ZNF500: variants seen among roughly 807,000 people sequenced by gnomAD.
ZNF500 encodes the protein zinc finger protein 500, also known as zinc finger protein with KRAB and SCAN domains 18.
ZNF500 carries 31 observed loss-of-function variants against 30.1 expected under a neutral mutation model. That is an observed-to-expected ratio of 1.03 (90% confidence interval 0.77 to 1.39). The LOEUF is 1.39. Ranked by LOEUF, ZNF500 falls within the 40% of genes most tolerant of loss-of-function variation. The pLI is 0.00. For synonymous variants in ZNF500, 392 were observed against 282.0 expected, an observed-to-expected ratio of 1.39 and a Z score of -3.91; for missense variants, 817 against 657.8, an observed-to-expected ratio of 1.24 and a Z score of -2.65.
At chr16:4,766,211 A>G in intron 1 of ZNF500, 135 bp from the exon 2 acceptor site, 3 of 447,730 alleles carry the variant, frequency 6.7e-6, no homozygotes, top group Non-Finnish European at 1.2e-5. Context: ...GATGAATGTC[A>G]TCTTTGTTAT....
intron 5 of ZNF500, among the ~76,000 whole-genome samples, chr16:4,755,811 T>C (rs2082129333): frequency 1.3e-5 from 2 of 152,104 alleles, no homozygotes; most frequent in Admixed American, 1.3e-4. Context: ...CACCCAAATG[T>C]CCATCAACGA....
In ZNF500 at chr16:4,763,839, G is replaced by A. The variant is rs117778632; in HGVS notation, c.415-1083C>T. The A allele has an allele frequency of 5.8e-3, 5,757 of 985,420 alleles. 23 individuals are homozygous for A. The highest frequency in any genetic ancestry group is 0.013 in the Middle Eastern group (24 of 1,914). 61.0% of individuals were successfully genotyped at this position (985,420 alleles called of 1,614,324 possible). A position where few individuals can be genotyped will look rare whatever the true frequency, so the allele number is the denominator to read the frequency against. ...TTTCTGACTGCGGTCAGCTCACGCC[G>A]TGGTCAAGCATTAGGGGATGTGCCT... On this transcript the variant is annotated intron_variant, in intron 2 of 5. Transcript: ENST00000219478.
intron 5 of ZNF500, among the ~76,000 whole-genome samples, chr16:4,757,253 A>G (rs2082144758): frequency 6.6e-6 from 1 of 152,202 alleles, no homozygotes; most frequent in African/African-American, 2.4e-5. Flanking sequence ...AGGGGACCCG[A>G]ACGGGTTGCC....
Position 4,751,998 on chromosome 16 carries a change from G to T in ZNF500, c.*378C>A. The T allele has an allele frequency of 9.4e-7, 1 of 1,064,320 alleles. No individual in the cohort carries two copies. Among genetic ancestry groups the T allele is most frequent in the Non-Finnish European group, 1.2e-6 (1 of 819,350 alleles). The allele number at this position is 1,064,320 out of a possible 1,614,324, so 65.9% of individuals were successfully genotyped here. A position where few individuals can be genotyped will look rare whatever the true frequency, so the allele number is the denominator to read the frequency against. ...CACAGGAGAGGGGTTGGGACGTGGGGATGAGGCTGTATGCCAGCAGCCACT... is the reference window on the plus strand; with the variant it reads ...CACAGGAGAGGGGTTGGGACGTGGGTATGAGGCTGTATGCCAGCAGCCACT... On this transcript the variant is annotated 3_prime_UTR_variant, in exon 6 of 6. Coordinates refer to ENST00000219478, the MANE Select transcript of ZNF500 (RefSeq NM_021646.4).
chr16:4,753,066 A>T lies in ZNF500; in HGVS notation c.761-8T>A. 1.3e-6 allele frequency: 2 copies of T among 1,508,270 alleles called. No homozygotes were observed. Among genetic ancestry groups the T allele is most frequent in the Non-Finnish European group, 8.8e-7 (1 of 1,135,338 alleles). The allele number at this position is 1,508,270 out of a possible 1,614,324, so 93.4% of individuals were successfully genotyped here. The stretch of plus-strand genomic sequence containing the variant: ...CCAACTGGATCCCAGGTCCTGAGAC[A>T]GAGAAAGCACGATCTCTAGGAACTC... On this transcript the variant is annotated splice_polypyrimidine_tract_variant and splice_region_variant and intron_variant, in intron 5 of 5. Coordinates refer to ENST00000219478, the MANE Select transcript of ZNF500 (RefSeq NM_021646.4).
Position 4,766,058 on chromosome 16 carries a change from G to A in ZNF500, c.-80C>T, listed in dbSNP as rs2082262566. 3.4e-6 allele frequency: 5 copies of A among 1,474,928 alleles called. No homozygotes were observed. The highest frequency in any genetic ancestry group is 1.4e-5 in the South Asian group (1 of 71,928). The allele number at this position is 1,474,928 out of a possible 1,614,324, so 91.4% of individuals were successfully genotyped here. ...CTATACCTCTGGCCAGACACAGGAA[G>A]AGAGTTTTTTTCAGGGCCCTGTGGA... On this transcript the variant is annotated 5_prime_UTR_variant, in exon 2 of 6. Transcript: ENST00000219478.
At chr16:4,744,931 G>A (rs778106589), downstream of ZNF500, 71 of 1,613,746 alleles carry the variant, frequency 4.4e-5, no homozygotes, top group Admixed American at 2.7e-4. Context: ...TGTGCACCAC[G>A]CAGTCCAAGG....
In ZNF500 at chr16:4,749,422, C is replaced by T. The variant is rs188146985; in HGVS notation, c.*2954G>A. The stretch of plus-strand genomic sequence containing the variant: ...CTCTGAATTACTGTGTCTGTCAAGG[C>T]AAGGGGAGTGAGGTAGGAAGTCAGA... On this transcript the variant is annotated 3_prime_UTR_variant, in exon 6 of 6. Transcript: ENST00000219478. 4.5e-3 allele frequency: 689 copies of T among 154,552 alleles called. 5 individuals carry two copies. Among genetic ancestry groups the T allele is most frequent in the African/African-American group, 0.016 (654 of 41,644 alleles). 9.6% of individuals were successfully genotyped at this position (154,552 alleles called of 1,614,324 possible). A position where few individuals can be genotyped will look rare whatever the true frequency, so the allele number is the denominator to read the frequency against.
downstream of ZNF500, chr16:4,747,767 T>C: frequency 9.2e-7 from 1 of 1,085,594 alleles, no homozygotes; most frequent in Non-Finnish European, 1.3e-6. Flanking sequence ...CTTTGGACTG[T>C]TGCCCACCCT....
rs2082219594 is a variant in ZNF500, at chr16:4,762,685, C to T, written c.486G>A (p.Glu162=). 6.2e-7 allele frequency: 1 copy of T among 1,614,010 alleles called. No individual in the cohort carries two copies. The highest frequency in any genetic ancestry group is 8.5e-7 in the Non-Finnish European group (1 of 1,180,004). ...IGGQFLKHQA[E]AQPEDLSLEE... ...CCAGGGACAGATCCTCTGGCTGAGC[C>T]TCTGCCTGGTGTTTTAAGAACTGTC... is the stretch of plus-strand genomic sequence containing the variant. Residue 162 remains glutamate, a synonymous_variant, in exon 3 of 6, where the codon GAG becomes GAA. Transcript: ENST00000219478.
intron 5 of ZNF500, among the ~76,000 whole-genome samples, chr16:4,753,610 T>A (rs2082107519): frequency 6.6e-6 from 1 of 152,224 alleles, no homozygotes; most frequent in Admixed American, 6.5e-5. Context: ...ATCACCGGGC[T>A]GCTAAGTTAC....
chr16:4,756,079 G>A (rs956012869), intron 5 of ZNF500, among the ~76,000 whole-genome samples: 3 of 152,148 alleles, frequency 2.0e-5, no homozygotes, highest in African/African-American at 2.4e-5. Context: ...TGTTGGGTAC[G>A]AGGTTTCCAT....
rs761080594 is a variant in ZNF500 at position 4,760,511 on chromosome 16, G to A, written c.741C>T (p.Asp247=). The A allele has an allele frequency of 1.8e-5, 29 of 1,613,494 alleles. No homozygotes were observed. Among genetic ancestry groups the A allele is most frequent in the Admixed American group, 5.0e-5 (3 of 59,930 alleles). Residue 247 remains aspartate (D), a synonymous_variant, in exon 5 of 6, where the codon GAC becomes GAT. Coordinates refer to ENST00000219478, the MANE Select transcript of ZNF500 (RefSeq NM_021646.4). ...AGTTACCTTCATTCTCCAGCGGCGC[G>A]TCCCGCTGAGCTGGGTCCATGCATC... ...EPRCMDPAQR[D]APLENEGPGI... is the part of the protein sequence containing the mutation.
chr16:4,744,878 G>T, downstream of ZNF500: 1 of 1,612,976 alleles, frequency 6.2e-7, no homozygotes, highest in Non-Finnish European at 8.5e-7. Flanking sequence ...AGACCGCATG[G>T]TGCCGAGCGC....
downstream of ZNF500, chr16:4,746,542 G>C (rs749047341): frequency 1.0e-5 from 16 of 1,601,334 alleles, no homozygotes; most frequent in Non-Finnish European, 1.2e-5. Flanking sequence ...CCCCATACCA[G>C]CCTCTACTTT....
intron 5 of ZNF500, among the ~76,000 whole-genome samples, chr16:4,754,260 C>A (rs2082113814): frequency 6.6e-6 from 1 of 152,182 alleles, no homozygotes; most frequent in Non-Finnish European, 1.5e-5. Flanking sequence ...CAGCCCCAGA[C>A]CTCCTGGGCG....
downstream of ZNF500, chr16:4,747,527 C>A: frequency 6.2e-7 from 1 of 1,613,118 alleles, no homozygotes; most frequent in South Asian, 1.1e-5. Context: ...GCAGAGCGCC[C>A]AGGCTCGACT....
rs2082077036 is a variant in ZNF500 at position 4,751,482 on chromosome 16, C to G, written c.*894G>C. On this transcript the variant is annotated 3_prime_UTR_variant, in exon 6 of 6. Coordinates refer to ENST00000219478, the MANE Select transcript of ZNF500 (RefSeq NM_021646.4). ...CCCAGGTGTCTTCCGCCCTGCAGAG[C>G]AGCTATGGATCTGCAAAGGGGACTG... is the stretch of plus-strand genomic sequence containing the variant. 8.0e-7 allele frequency: 1 copy of G among 1,251,470 alleles called. No homozygotes were observed. The highest frequency in any genetic ancestry group is 1.5e-5 in the African/African-American group (1 of 65,992). The allele number at this position is 1,251,470 out of a possible 1,614,324, so 77.5% of individuals were successfully genotyped here.
downstream of ZNF500, chr16:4,747,191 T>C (rs2142215147): frequency 8.2e-7 from 1 of 1,220,968 alleles, no homozygotes; most frequent in East Asian, 2.4e-5. Flanking sequence ...GTCCACTGGG[T>C]CCCAGCAGTG....
Sources: allele counts gnomAD v4.1 joint callset (sites outside exome capture counted in the v4.1 genomes callset), GRCh38; gene constraint gnomAD v4.1.1; transcripts MANE v1.5; gene names NCBI Gene and HGNC (gene_info 2026-07-23, HGNC 2026-07-21).